Variants in ARB2A observed in about 807,000 individuals in gnomAD.
The protein encoded by ARB2A is ARB2 cotranscriptional regulator A.
At chr5:93,812,849 T>C in the ARB2A span, among the ~76,000 whole-genome samples, 2 of 152,202 alleles carry the variant, frequency 1.3e-5, no homozygotes, top group East Asian at 3.8e-4. Context: ...GAAAAATTCA[T>C]ATAAGGTATG....
chr5:93,756,823 C>A, the ARB2A span, among the ~76,000 whole-genome samples: 2 of 151,864 alleles, frequency 1.3e-5, no homozygotes, highest in Non-Finnish European at 2.9e-5. Context: ...CTCGTCAACA[C>A]CCCCCCAAAA....
At chr5:93,900,804 A>G in the ARB2A span, among the ~76,000 whole-genome samples, 2 of 152,138 alleles carry the variant, frequency 1.3e-5, no homozygotes, top group South Asian at 2.1e-4. Flanking sequence ...AGCAAAATTG[A>G]GCAATAGTAT....
the ARB2A span, among the ~76,000 whole-genome samples, chr5:94,060,189 C>A: frequency 6.6e-6 from 1 of 151,990 alleles, no homozygotes; most frequent in African/African-American, 2.4e-5. Context: ...CCCGTCTCTA[C>A]TTAAAATACA....
the ARB2A span, chr5:93,743,492 T>G: frequency 2.1e-6 from 2 of 968,726 alleles, no homozygotes; most frequent in Non-Finnish European, 2.5e-6. Flanking sequence ...AGAAGTTCAT[T>G]TAAGAATAAC....
chr5:93,689,068 G>A, the ARB2A span, among the ~76,000 whole-genome samples: 1 of 152,074 alleles, frequency 6.6e-6, no homozygotes, highest in Admixed American at 6.6e-5. Context: ...TCCATGACCT[G>A]GCTCCTGCTT....
chr5:93,965,275 TG>T, the ARB2A span, among the ~76,000 whole-genome samples: 1 of 152,122 alleles, frequency 6.6e-6, no homozygotes. Flanking sequence ...CCAAGAAATT[TG>T]GTAGCTTTTA....
At chr5:94,051,506 C>T in the ARB2A span, among the ~76,000 whole-genome samples, 1 of 152,134 alleles carries the variant, frequency 6.6e-6, no homozygotes, top group Non-Finnish European at 1.5e-5. Flanking sequence ...TTCAAGGGCA[C>T]AAGGAATCAA....
the ARB2A span, among the ~76,000 whole-genome samples, chr5:93,785,359 C>CT: frequency 7.3e-5 from 11 of 151,710 alleles, no homozygotes; most frequent in South Asian, 4.2e-4. Flanking sequence ...TAATAATGTT[C>CT]TTTTTTTTGC....
chr5:94,066,094 G>A, the ARB2A span, among the ~76,000 whole-genome samples: 1 of 152,102 alleles, frequency 6.6e-6, no homozygotes. Flanking sequence ...GCTTCTGAAT[G>A]AGCACTGAGT....
At chr5:93,921,746 AG>A in the ARB2A span, among the ~76,000 whole-genome samples, 1 of 152,216 alleles carries the variant, frequency 6.6e-6, no homozygotes, top group African/African-American at 2.4e-5. Flanking sequence ...TAATCGTTGA[AG>A]GAAAAAGATA....
chr5:93,816,344 T>C, the ARB2A span, among the ~76,000 whole-genome samples: 1 of 152,218 alleles, frequency 6.6e-6, no homozygotes, highest in Admixed American at 6.5e-5. Context: ...CATAGTCTCA[T>C]ATTTGCAGTA....
At chr5:93,906,953 T>C in the ARB2A span, among the ~76,000 whole-genome samples, 2 of 151,652 alleles carry the variant, frequency 1.3e-5, no homozygotes, top group East Asian at 1.9e-4. Context: ...TATTAGCAAA[T>C]AGTAACACTT....
the ARB2A span, among the ~76,000 whole-genome samples, chr5:94,093,155 T>C: frequency 2.6e-5 from 4 of 152,174 alleles, no homozygotes; most frequent in Admixed American, 2.0e-4. Flanking sequence ...GATACATTTC[T>C]TCAAGTTTTT....
the ARB2A span, chr5:94,055,924 C>T: frequency 3.0e-6 from 3 of 984,860 alleles, no homozygotes; most frequent in Non-Finnish European, 3.6e-6. Flanking sequence ...AGCCTTACAT[C>T]TATATATCAC....
chr5:93,804,946 G>A, the ARB2A span: 2 of 981,986 alleles, frequency 2.0e-6, no homozygotes, highest in Non-Finnish European at 2.4e-6. Context: ...ATACAGAGTG[G>A]CAAAAAATTT....
At chr5:93,721,337 C>T in the ARB2A span, among the ~76,000 whole-genome samples, 2 of 151,720 alleles carry the variant, frequency 1.3e-5, no homozygotes, top group African/African-American at 4.8e-5. Flanking sequence ...ATGGAAGGGG[C>T]AAAAAAATAA....
At chr5:93,877,728 G>A in the ARB2A span, among the ~76,000 whole-genome samples, 4 of 152,120 alleles carry the variant, frequency 2.6e-5, no homozygotes, top group African/African-American at 9.7e-5. Context: ...TCTCAGTAAG[G>A]AGGGGTCATC....
chr5:93,848,185 C>T, the ARB2A span, among the ~76,000 whole-genome samples: 2 of 152,062 alleles, frequency 1.3e-5, no homozygotes, highest in African/African-American at 4.8e-5. Context: ...GAGATTGAGA[C>T]CATCCTGGTC....
At chr5:94,106,699 C>CA in the ARB2A span, among the ~76,000 whole-genome samples, 1 of 151,606 alleles carries the variant, frequency 6.6e-6, no homozygotes, top group Non-Finnish European at 1.5e-5. Context: ...CAGCACTATT[C>CA]AAAAAAGCAA....
Sources: allele counts gnomAD v4.1 joint callset (sites outside exome capture counted in the v4.1 genomes callset), GRCh38; gene constraint gnomAD v4.1.1; transcripts MANE v1.5; gene names NCBI Gene and HGNC (gene_info 2026-07-23, HGNC 2026-07-21).